The following FGD5 variants were observed in gnomAD, a reference collection of about 807,000 sequenced individuals.
FGD5 encodes FYVE, RhoGEF and PH domain containing 5, also known as FYVE, RhoGEF and PH domain-containing protein 5.
A neutral mutation model predicts 133.4 loss-of-function variants in FGD5; 28 were observed. The ratio of observed to expected loss-of-function variants is 0.21; its 90% CI spans 0.16 to 0.29. FGD5 has a LOEUF of 0.29. Among genes scored for constraint, FGD5 ranks in the 10% least tolerant of loss-of-function variants. FGD5 has a pLI of 1.00. For missense variants in FGD5, 1,858 were observed against 1,895.2 expected (o/e 0.98, Z 0.36); for synonymous variants, 810 against 776.5 (o/e 1.04, Z -0.72).
intron 18 of FGD5, among the ~76,000 whole-genome samples, chr3:14,927,314 C>T (rs1011641343): frequency 3.9e-5 from 6 of 152,118 alleles, no homozygotes; most frequent in Non-Finnish European, 8.8e-5. Flanking sequence ...GAAGTGACAG[C>T]ATAAGCTTAT....
chr3:14,899,782 CAGAG>C (rs953419977), intron 7 of FGD5, among the ~76,000 whole-genome samples: 4 of 152,164 alleles, frequency 2.6e-5, no homozygotes, highest in African/African-American at 9.7e-5. Flanking sequence ...GTTAAGGAGA[CAGAG>C]GGAACAGGGC....
chr3:14,812,796 A>G (rs567005950), intron 1 of FGD5, among the ~76,000 whole-genome samples: 10 of 152,366 alleles, frequency 6.6e-5, no homozygotes, highest in Admixed American at 2.0e-4. Flanking sequence ...GTAAGATTAA[A>G]TAGACTAAAA....
rs1029435801 is a variant in FGD5, at chr3:14,923,234, A to G, written c.3937+59A>G. ...GCCTGGTGGCTTCTCCCCAGGCTCC[A>G]GTGGCTTCTCTGTGGTCCATGGTTC... On this transcript the variant is annotated intron_variant, in intron 16 of 19. Transcript: ENST00000285046. 6.4e-6 allele frequency: 10 copies of G among 1,561,226 alleles called. No homozygotes were observed. In the African/African-American group the frequency reaches 1.2e-4, roughly 19 times the overall value.
chr3:14,814,616 C>T (rs2036342311), upstream of FGD5, among the ~76,000 whole-genome samples: 1 of 152,176 alleles, frequency 6.6e-6, no homozygotes. Context: ...CACACTCATG[C>T]CTCTGGTGAT....
intron 1 of FGD5, among the ~76,000 whole-genome samples, chr3:14,857,903 C>T (rs1213588274): frequency 6.6e-6 from 1 of 151,954 alleles, no homozygotes; most frequent in Non-Finnish European, 1.5e-5. Flanking sequence ...ACCTATATTA[C>T]TATCACCCCT....
chr3:14,832,130 C>T (rs538027995), intron 1 of FGD5, among the ~76,000 whole-genome samples: 81 of 152,256 alleles, frequency 5.3e-4, no homozygotes, highest in African/African-American at 1.6e-3. Flanking sequence ...CAAGTGGTGG[C>T]GACGGTCTCT....
intron 1 of FGD5, among the ~76,000 whole-genome samples, chr3:14,859,405 A>G (rs2037352280): frequency 6.6e-6 from 1 of 152,166 alleles, no homozygotes; most frequent in Middle Eastern, 3.4e-3. Flanking sequence ...AAAAAATACA[A>G]AAATTAGCTG....
At chr3:14,843,462 G>T (rs2036963583) in intron 1 of FGD5, among the ~76,000 whole-genome samples, 1 of 152,124 alleles carries the variant, frequency 6.6e-6, no homozygotes, top group South Asian at 2.1e-4. Context: ...CTCTCTCAGG[G>T]ACGGCCACTG....
chr3:14,913,867 T>G (rs1402141090), intron 11 of FGD5, among the ~76,000 whole-genome samples: 1 of 152,070 alleles, frequency 6.6e-6, no homozygotes, highest in East Asian at 1.9e-4. Context: ...GATAGCACCT[T>G]CTATGGAAGC....
At chr3:14,896,778 A>G (rs942595298) in intron 4 of FGD5, among the ~76,000 whole-genome samples, 5 of 152,152 alleles carry the variant, frequency 3.3e-5, no homozygotes, top group African/African-American at 9.7e-5. Flanking sequence ...GCTCCCAGAT[A>G]TAATTTTTAT....
At chr3:14,859,583 A>G (rs1217573501) in intron 1 of FGD5, among the ~76,000 whole-genome samples, 3 of 152,108 alleles carry the variant, frequency 2.0e-5, no homozygotes, top group Non-Finnish European at 4.4e-5. Flanking sequence ...AAAAGAAAGA[A>G]AGAAAAGTTA....
intron 1 of FGD5, 83 bp downstream of exon 1, chr3:14,821,679 G>C: frequency 6.9e-7 from 1 of 1,438,976 alleles, no homozygotes; most frequent in Non-Finnish European, 9.1e-7. Flanking sequence ...AGATGGACTT[G>C]CTTTCCAGCC....
At chr3:14,861,634 C>T (rs1012508975) in intron 1 of FGD5, among the ~76,000 whole-genome samples, 1 of 152,176 alleles carries the variant, frequency 6.6e-6, no homozygotes, top group African/African-American at 2.4e-5. Context: ...TTCCGTGAGC[C>T]CTCTCCCCTG....
chr3:14,870,686 G>A (rs2037590191), intron 2 of FGD5, among the ~76,000 whole-genome samples: 1 of 152,134 alleles, frequency 6.6e-6, no homozygotes, highest in East Asian at 1.9e-4. Flanking sequence ...CCAGCCCTAC[G>A]CAGGTGGCAT....
chr3:14,896,652 G>T (rs990993555), intron 4 of FGD5, among the ~76,000 whole-genome samples: 1 of 152,094 alleles, frequency 6.6e-6, no homozygotes, highest in African/African-American at 2.4e-5. Flanking sequence ...TGTATTTTTA[G>T]TAGAGACAGG....
intron 1 of FGD5, among the ~76,000 whole-genome samples, chr3:14,811,772 G>C (rs2036298088): frequency 6.6e-6 from 1 of 152,216 alleles, no homozygotes; most frequent in African/African-American, 2.4e-5. Flanking sequence ...GCCATCTAAG[G>C]GGAGGGCAGA....
At chr3:14,927,124 C>G (rs1299914413) in intron 18 of FGD5, among the ~76,000 whole-genome samples, 3 of 152,174 alleles carry the variant, frequency 2.0e-5, no homozygotes, top group Non-Finnish European at 4.4e-5. Flanking sequence ...CTTAGCAAGG[C>G]CCCACATCTG....
intron 1 of FGD5, among the ~76,000 whole-genome samples, chr3:14,855,649 A>G (rs556747221): frequency 1.0e-4 from 15 of 147,368 alleles, no homozygotes; most frequent in African/African-American, 2.9e-4. Context: ...GGCCATTTGT[A>G]TGTTTTTTTT....
chr3:14,843,356 G>T (rs2036961832), intron 1 of FGD5, among the ~76,000 whole-genome samples: 1 of 152,178 alleles, frequency 6.6e-6, no homozygotes, highest in Admixed American at 6.5e-5. Context: ...GCTCGGGAAA[G>T]TCAAGGCTGA....
Sources: allele counts gnomAD v4.1 joint callset (sites outside exome capture counted in the v4.1 genomes callset), GRCh38; gene constraint gnomAD v4.1.1; transcripts MANE v1.5; gene names NCBI Gene and HGNC (gene_info 2026-07-23, HGNC 2026-07-21).